The following ALPK2 variants were observed in gnomAD, a reference collection of about 807,000 sequenced individuals.
ALPK2 encodes the protein alpha-protein kinase 2.
Under a neutral mutation model 163.1 loss-of-function variants are expected in ALPK2, and 127 were observed. That is an observed-to-expected ratio of 0.78 (90% confidence interval 0.67 to 0.90). ALPK2 has a LOEUF of 0.90. Ranked by LOEUF, ALPK2 falls within the 40% of genes least tolerant of loss-of-function variation. The pLI, the probability that ALPK2 is intolerant of heterozygous loss-of-function variation, is 0.00. For missense variants in ALPK2, 2,360 were observed against 2,589.6 expected, an observed-to-expected ratio of 0.91 and a Z score of 1.92; for synonymous variants, 953 against 959.1, an observed-to-expected ratio of 0.99 and a Z score of 0.12.
Position 58,512,465 on chromosome 18 carries a change from C to G in ALPK2, c.6029+2528G>C, listed in dbSNP as rs147645818. The stretch of plus-strand genomic sequence containing the variant: ...GCCTGGAAATAAATATGGGGGTGGC[C>G]CCAGCGGGGGTCAGTCTAGGGGCTG... On this transcript the variant is annotated intron_variant, in intron 10 of 12. Transcript: ENST00000361673. 2.4e-3 allele frequency among the ~76,000 whole-genome samples: 359 copies of G among 152,258 alleles called. 1 individual carries two copies. Among genetic ancestry groups the G allele is most frequent in the African/African-American group, 8.1e-3 (337 of 41,540 alleles).
intron 4 of ALPK2, among the ~76,000 whole-genome samples, chr18:58,553,374 T>C (rs1244777641): frequency 6.6e-5 from 10 of 152,178 alleles, no homozygotes; most frequent in Admixed American, 5.9e-4. Context: ...TGAAGAATGC[T>C]TCAGCAACCA....
Position 58,481,793 on chromosome 18 carries a change from A to C in ALPK2, c.*30T>G, listed in dbSNP as rs750221423. The C allele has an allele frequency of 1.9e-6, 3 of 1,559,524 alleles. No homozygotes were observed. The Admixed American group carries it at 5.0e-5, about 26-fold the overall frequency. ...TTCCCTGGCGAGATTGTGTGCTGCT[A>C]GCCAGTGGCCATTAGGTTACCCAGG... On this transcript the variant is annotated 3_prime_UTR_variant, in exon 13 of 13. Transcript: ENST00000361673.
chr18:58,521,917 G>A (rs535460014), intron 8 of ALPK2, among the ~76,000 whole-genome samples: 1 of 152,098 alleles, frequency 6.6e-6, no homozygotes, highest in Admixed American at 6.5e-5. Context: ...GTGAGCCACC[G>A]CGCCTGGCCT....
intron 1 of ALPK2, among the ~76,000 whole-genome samples, chr18:58,628,421 A>T (rs1160323662): frequency 6.6e-6 from 1 of 152,210 alleles, no homozygotes; most frequent in African/African-American, 2.4e-5. Flanking sequence ...AAAACTTTAC[A>T]TATCACTCGT....
intron 12 of ALPK2, among the ~76,000 whole-genome samples, chr18:58,484,626 C>T (rs930548480): frequency 1.3e-5 from 2 of 152,154 alleles, no homozygotes; most frequent in African/African-American, 4.8e-5. Context: ...CGCCTGTAGT[C>T]CCAGCTACTC....
Position 58,614,824 on chromosome 18 carries a change from C to T in ALPK2, c.-20-3007G>A, listed in dbSNP as rs548389795. Among the ~76,000 whole-genome samples the T allele has an allele frequency of 4.3e-4, 66 of 152,250 alleles. 1 individual carries two copies. The highest frequency in any genetic ancestry group is 1.2e-3 in the South Asian group (6 of 4,820). ...TTCACTATATTCAGAATTGTGCAACCGTCACCACAATCCATTTTAGAGCAT... is the reference window on the plus strand; with the variant it reads ...TTCACTATATTCAGAATTGTGCAACTGTCACCACAATCCATTTTAGAGCAT... On this transcript the variant is annotated intron_variant, in intron 1 of 12. Coordinates refer to ENST00000361673, the MANE Select transcript of ALPK2 (RefSeq NM_052947.4).
intron 4 of ALPK2, among the ~76,000 whole-genome samples, chr18:58,556,791 G>A (rs376786701): frequency 5.3e-4 from 80 of 152,318 alleles, no homozygotes; most frequent in African/African-American, 1.8e-3. Flanking sequence ...TGTCCTGTGT[G>A]AACCTGGAGT....
chr18:58,496,074 A>T (rs1468880179), intron 12 of ALPK2, among the ~76,000 whole-genome samples: 1 of 152,220 alleles, frequency 6.6e-6, no homozygotes, highest in East Asian at 1.9e-4. Flanking sequence ...TTCAGGATCA[A>T]TGCTAAAGCG....
At chr18:58,594,565 C>T (rs2052031906) in intron 3 of ALPK2, among the ~76,000 whole-genome samples, 2 of 152,136 alleles carry the variant, frequency 1.3e-5, no homozygotes, top group African/African-American at 4.8e-5. Flanking sequence ...GGCCGGCAGC[C>T]CCAGCTCTCA....
intron 4 of ALPK2, among the ~76,000 whole-genome samples, chr18:58,560,590 C>T (rs1157336711): frequency 6.6e-6 from 1 of 152,216 alleles, no homozygotes; most frequent in Non-Finnish European, 1.5e-5. Context: ...AAGATAATTT[C>T]CCCATGTCAG....
chr18:58,564,761 T>C (rs958423999), intron 4 of ALPK2, among the ~76,000 whole-genome samples: 1 of 152,100 alleles, frequency 6.6e-6, no homozygotes, highest in Non-Finnish European at 1.5e-5. Flanking sequence ...GGAAAGGAAA[T>C]TACCCAAGGA....
At chr18:58,614,128 T>C (rs7243006) in intron 1 of ALPK2, among the ~76,000 whole-genome samples, 48,866 of 152,034 alleles carry the variant, frequency 0.32, 8,526 homozygotes, top group African/African-American at 0.46. Flanking sequence ...TAAATTAACT[T>C]ACATGATGGG....
In ALPK2 at chr18:58,516,220, A is replaced by C. The variant is rs996160320; in HGVS notation, c.5940+688T>G. 5.2e-5 allele frequency among the ~76,000 whole-genome samples: 7 copies of C among 134,886 alleles called. No individual in the cohort carries two copies. The South Asian group carries it at 1.1e-3, about 22-fold the overall frequency. The allele number at this position is 134,886 out of a possible 152,430, so 88.5% of individuals were successfully genotyped here. On this transcript the variant is annotated intron_variant, in intron 9 of 12. Transcript: ENST00000361673. ...GGGGGAAAGAGTGAGACACTGTCTC[A>C]AAAAAGAAAAAAAAAAAAAGACGGA...
intron 3 of ALPK2, among the ~76,000 whole-genome samples, chr18:58,591,861 CTG>C (rs1402292649): frequency 2.0e-5 from 3 of 152,174 alleles, no homozygotes; most frequent in Non-Finnish European, 4.4e-5. Context: ...CAGGCAGAGA[CTG>C]GGGCCATGCT....
At chr18:58,549,832 G>T (rs1366905860) in intron 4 of ALPK2, among the ~76,000 whole-genome samples, 1 of 152,178 alleles carries the variant, frequency 6.6e-6, no homozygotes, top group Admixed American at 6.5e-5. Flanking sequence ...GCCCTGCATG[G>T]GTAGGTGGAA....
chr18:58,492,146 G>GACACACACACACACACACACAC (rs60280063), intron 12 of ALPK2, among the ~76,000 whole-genome samples: 1 of 151,312 alleles, frequency 6.6e-6, no homozygotes, highest in African/African-American at 2.4e-5. Flanking sequence ...GGTCTCTTTA[G>GACACACACACACACACACACAC]ACACACACAC....
At chr18:58,503,787 G>C in intron 11 of ALPK2, 144 bp downstream of exon 11, 1 of 649,532 alleles carries the variant, frequency 1.5e-6, no homozygotes, top group Non-Finnish European at 2.6e-6. Flanking sequence ...TTTCTGAGGA[G>C]GCATCAGTAA....
intron 2 of ALPK2, among the ~76,000 whole-genome samples, chr18:58,607,832 C>A (rs757946539): frequency 6.6e-6 from 1 of 152,176 alleles, no homozygotes; most frequent in Non-Finnish European, 1.5e-5. Flanking sequence ...CTTTGTTTCA[C>A]TCAATGATAA....
chr18:58,582,757 C>T (rs538051825), intron 3 of ALPK2, among the ~76,000 whole-genome samples: 158 of 151,706 alleles, frequency 1.0e-3, no homozygotes, highest in Non-Finnish European at 1.6e-3. Flanking sequence ...ATAAGGTGTA[C>T]GTTGATTCAG....
Sources: allele counts gnomAD v4.1 joint callset (sites outside exome capture counted in the v4.1 genomes callset), GRCh38; gene constraint gnomAD v4.1.1; transcripts MANE v1.5; gene names NCBI Gene and HGNC (gene_info 2026-07-23, HGNC 2026-07-21).